The following IFT74 variants were observed in gnomAD, a reference collection of about 807,000 sequenced individuals.
The protein encoded by IFT74 is intraflagellar transport protein 74 homolog.
Under a neutral mutation model 96.7 loss-of-function variants are expected in IFT74, and 92 were observed. That is an observed-to-expected ratio of 0.95 (90% CI 0.80 to 1.13). IFT74 has a LOEUF of 1.13. Among genes scored for constraint, IFT74 ranks in the 50% most tolerant of loss-of-function variants. The pLI is 0.00. For synonymous variants in IFT74, 223 were observed against 213.2 expected (o/e 1.05, Z -0.40); for missense variants, 811 against 698.2 (o/e 1.16, Z -1.82).
At chr9:26,950,158 A>G (rs1486234829) in intron 1 of IFT74, among the ~76,000 whole-genome samples, 3 of 152,032 alleles carry the variant, frequency 2.0e-5, no homozygotes, top group Non-Finnish European at 4.4e-5. Flanking sequence ...TAAAAATACA[A>G]AAAGTTAGCC....
chr9:26,980,004 C>T (rs12352625), intron 3 of IFT74, among the ~76,000 whole-genome samples: 2,196 of 152,096 alleles, frequency 0.014, 54 homozygotes, highest in African/African-American at 0.049. Context: ...TGTGAGCCAC[C>T]GTGCCCGGCC....
In IFT74 at chr9:26,971,046, C is replaced by G. The variant is rs566306702; in HGVS notation, c.121-7082C>G. ...TGTGCCATGAAATGGGTTTCATTGT[C>G]TGAATCAATGTTTTCTATTAGTCTA... On this transcript the variant is annotated intron_variant, in intron 2 of 19. Coordinates refer to ENST00000380062, the MANE Select transcript of IFT74 (RefSeq NM_025103.4). 2.6e-5 allele frequency among the ~76,000 whole-genome samples: 4 copies of G among 152,274 alleles called. No individual in the cohort carries two copies. The South Asian group carries it at 6.2e-4, about 24-fold the overall frequency.
chr9:26,999,731 A>C, intron 8 of IFT74: 1 of 1,409,900 alleles, frequency 7.1e-7, no homozygotes, highest in East Asian at 2.3e-5. Context: ...ATTTTCATTA[A>C]GGACATTTTT....
At chr9:27,019,509 G>C (rs1829500000) in intron 12 of IFT74, among the ~76,000 whole-genome samples, 1 of 151,256 alleles carries the variant, frequency 6.6e-6, no homozygotes, top group Non-Finnish European at 1.5e-5. Flanking sequence ...AGGCTCATAG[G>C]TGAGCCTTGA....
At chr9:26,986,556 A>T (rs1171172002) in intron 6 of IFT74, among the ~76,000 whole-genome samples, 1 of 152,072 alleles carries the variant, frequency 6.6e-6, no homozygotes, top group African/African-American at 2.4e-5. Context: ...GGCTCAAGTG[A>T]TCTGCCCACC....
chr9:26,951,624 C>T (rs920668844), upstream of IFT74, among the ~76,000 whole-genome samples: 8 of 152,110 alleles, frequency 5.3e-5, no homozygotes, highest in Non-Finnish European at 1.0e-4. Flanking sequence ...ATGGGCTGGG[C>T]GCAATGGCTC....
chr9:26,948,474 T>A (rs1157957333), intron 1 of IFT74, among the ~76,000 whole-genome samples: 11 of 96,366 alleles, frequency 1.1e-4, no homozygotes, highest in East Asian at 5.7e-4. Flanking sequence ...TTTTTTTTTT[T>A]TTTTTTTTTT....
chr9:27,003,841 T>C (rs1209421313), intron 8 of IFT74, among the ~76,000 whole-genome samples: 6 of 152,228 alleles, frequency 3.9e-5, no homozygotes, highest in Non-Finnish European at 8.8e-5. Flanking sequence ...TGATTGCCCA[T>C]AGAAGAGGGA....
In IFT74 at chr9:26,984,335, A is replaced by G. The variant is rs945662288; in HGVS notation, c.384A>G (p.Val128=). Residue 128 remains valine, a synonymous_variant, in exon 5 of 20, where the codon GTA becomes GTG. Transcript: ENST00000380062. ...GIEMYNQENS[V]YLSYEKRAET... is the part of the protein sequence containing the mutation. ...AAATGTACAATCAAGAGAATTCAGTATATTTGTCATATGAAAAGAGGTGAG... is the reference window on the plus strand; with the variant it reads ...AAATGTACAATCAAGAGAATTCAGTGTATTTGTCATATGAAAAGAGGTGAG... 3.2e-6 allele frequency: 5 copies of G among 1,584,122 alleles called. No individual in the cohort carries two copies. The highest frequency in any genetic ancestry group is 1.2e-5 in the South Asian group (1 of 86,084).
intron 1 of IFT74, among the ~76,000 whole-genome samples, chr9:26,950,375 T>A (rs1825895848): frequency 6.6e-6 from 1 of 151,836 alleles, no homozygotes; most frequent in African/African-American, 2.4e-5. Context: ...TGTTTGAGCA[T>A]GTCTATTCTT....
chr9:26,968,603 T>A (rs1327385125), intron 2 of IFT74, among the ~76,000 whole-genome samples: 2 of 152,178 alleles, frequency 1.3e-5, no homozygotes, highest in Non-Finnish European at 2.9e-5. Flanking sequence ...TTGTTATTGG[T>A]CTGTTCAGGT....
chr9:26,948,448 A>ATTATTTTTTTTTTTT lies in IFT74; in HGVS notation c.-20+1304_-20+1305insATTTTTTTTTTTTTT, dbSNP rs1825819541. ...TGACAACCTGTGATGGCTTTCCATT[A>ATTATTTTTTTTTTTT]TTTTTTTTTTTTTTTTTTTTTTTTT... On this transcript the variant is annotated intron_variant, in intron 1 of 19. Coordinates refer to the IFT74 transcript ENST00000433700. Among the ~76,000 whole-genome samples, 541 of 59,172 alleles carry ATTATTTTTTTTTTTT rather than the reference A, an allele frequency of 9.1e-3. 50 individuals are homozygous for ATTATTTTTTTTTTTT. The highest frequency in any genetic ancestry group is 0.016 in the Non-Finnish European group (415 of 26,086). The allele number at this position is 59,172 out of a possible 152,430, so 38.8% of individuals were successfully genotyped here. A position where few individuals can be genotyped will look rare whatever the true frequency, so the allele number is the denominator to read the frequency against.
At chr9:27,014,244 C>G (rs1184829716) in intron 10 of IFT74, among the ~76,000 whole-genome samples, 4 of 152,114 alleles carry the variant, frequency 2.6e-5, no homozygotes, top group East Asian at 1.9e-4. Flanking sequence ...AGGTAGTTTT[C>G]TGTGTCTGGT....
At position 27,063,480 on chromosome 9, in the gene IFT74, C is replaced by G. The variant is rs1820513925; in HGVS notation, c.*744C>G. On this transcript the variant is annotated 3_prime_UTR_variant, in exon 20 of 20. Coordinates refer to ENST00000380062, the MANE Select transcript of IFT74 (RefSeq NM_025103.4). ...AAGTAGATTAATTTATAAACATTAG[C>G]CAGAATATTTGGGGAAAAAAGCTAG... 1.3e-5 allele frequency among the ~76,000 whole-genome samples: 2 copies of G among 151,830 alleles called. No homozygotes were observed. The highest frequency in any genetic ancestry group is 4.8e-5 in the African/African-American group (2 of 41,342).
At chr9:26,948,884 A>G (rs903486276) in intron 1 of IFT74, among the ~76,000 whole-genome samples, 7 of 151,964 alleles carry the variant, frequency 4.6e-5, no homozygotes, top group African/African-American at 1.2e-4. Flanking sequence ...ATTTGTCACA[A>G]TTCCCTGAAC....
At chr9:26,963,558 AG>A (rs1174098846) in intron 2 of IFT74, among the ~76,000 whole-genome samples, 1 of 150,804 alleles carries the variant, frequency 6.6e-6, no homozygotes, top group Non-Finnish European at 1.5e-5. Context: ...TGGTTGAACT[AG>A]TTTACAGTCC....
chr9:27,031,217 G>A (rs986703586), intron 13 of IFT74, among the ~76,000 whole-genome samples: 4 of 152,238 alleles, frequency 2.6e-5, no homozygotes, highest in South Asian at 4.1e-4. Flanking sequence ...GGTGGCTCAC[G>A]CCTGTAGTCC....
At chr9:27,044,090 T>G (rs1033149519) in intron 13 of IFT74, among the ~76,000 whole-genome samples, 5 of 152,238 alleles carry the variant, frequency 3.3e-5, no homozygotes, top group African/African-American at 1.2e-4. Context: ...TTTCACTTCA[T>G]TCTCTGCCTC....
intron 13 of IFT74, among the ~76,000 whole-genome samples, chr9:27,042,409 A>T (rs898081729): frequency 2.4e-4 from 37 of 152,150 alleles, no homozygotes; most frequent in African/African-American, 8.7e-4. Flanking sequence ...CAAAAAGCAA[A>T]AATAAAACAT....
Sources: allele counts gnomAD v4.1 joint callset (sites outside exome capture counted in the v4.1 genomes callset), GRCh38; gene constraint gnomAD v4.1.1; transcripts MANE v1.5; gene names NCBI Gene and HGNC (gene_info 2026-07-23, HGNC 2026-07-21).